The following JAK1 variants were observed in gnomAD, a reference collection of about 807,000 sequenced individuals.
JAK1 encodes the protein tyrosine-protein kinase JAK1.
JAK1 carries 16 observed loss-of-function variants against 136.6 expected under a neutral mutation model. That is an observed-to-expected ratio of 0.12 (90% confidence interval 0.08 to 0.18). JAK1 has a LOEUF of 0.18. JAK1 is among the 10% of genes least tolerant of loss of function. JAK1 has a pLI of 1.00. For missense variants in JAK1, 859 were observed against 1,450.1 expected, an observed-to-expected ratio of 0.59 and a Z score of 6.62; for synonymous variants, 492 against 519.5, an observed-to-expected ratio of 0.95 and a Z score of 0.72.
rs537950352 is a variant in JAK1 at position 65,008,355 on chromosome 1, G to C, written c.-78+36125C>G. Among the ~76,000 whole-genome samples, 60 of 152,332 alleles carry C rather than the reference G, an allele frequency of 3.9e-4. No individual in the cohort carries two copies. The South Asian group carries it at 5.6e-3, about 14-fold the overall frequency. Reference sequence around the variant, plus strand: ...TATGGAATTTATGCAAAAGTACTAAGAGATTAAATTGGAGAAATAGTTTGA... The same window carrying C: ...TATGGAATTTATGCAAAAGTACTAACAGATTAAATTGGAGAAATAGTTTGA... On this transcript the variant is annotated intron_variant, in intron 2 of 25. Coordinates refer to the JAK1 transcript ENST00000671954.
At chr1:65,049,563 C>A (rs943054024) in intron 1 of JAK1, among the ~76,000 whole-genome samples, 1 of 152,182 alleles carries the variant, frequency 6.6e-6, no homozygotes, top group African/African-American at 2.4e-5. Context: ...TGACTGGCCA[C>A]GGGTCCTTCC....
intron 2 of JAK1, among the ~76,000 whole-genome samples, chr1:64,986,633 C>A (rs1449563278): frequency 4.6e-5 from 7 of 152,140 alleles, no homozygotes; most frequent in Non-Finnish European, 8.8e-5. Flanking sequence ...TGGCTCATGT[C>A]TGTAATCCCA....
At chr1:65,057,232 CTTTG>C (rs375122693) in intron 1 of JAK1, among the ~76,000 whole-genome samples, 15 of 152,272 alleles carry the variant, frequency 9.9e-5, no homozygotes, top group African/African-American at 3.1e-4. Context: ...AAGTCATGCA[CTTTG>C]TTTCTTATTT....
intron 2 of JAK1, among the ~76,000 whole-genome samples, chr1:64,976,699 G>A (rs1569801217): frequency 6.6e-6 from 1 of 152,178 alleles, no homozygotes; most frequent in Non-Finnish European, 1.5e-5. Context: ...GCCTCACATG[G>A]AACATAATCC....
intron 2 of JAK1, among the ~76,000 whole-genome samples, chr1:65,004,758 G>A (rs756107714): frequency 6.6e-6 from 1 of 152,166 alleles, no homozygotes; most frequent in Non-Finnish European, 1.5e-5. Flanking sequence ...TATAATCCAA[G>A]TACAACTTCT....
chr1:65,066,154 G>A (rs929331657), intron 1 of JAK1, among the ~76,000 whole-genome samples: 1 of 152,172 alleles, frequency 6.6e-6, no homozygotes, highest in Non-Finnish European at 1.5e-5. Flanking sequence ...CACAGGTGTG[G>A]TCTTTCTCCA....
chr1:64,882,827 A>T (rs1158027140), intron 3 of JAK1, among the ~76,000 whole-genome samples: 2 of 152,216 alleles, frequency 1.3e-5, no homozygotes, highest in Non-Finnish European at 2.9e-5. Flanking sequence ...TCACGGCAGC[A>T]GAAGGAGGGG....
intron 2 of JAK1, among the ~76,000 whole-genome samples, chr1:64,999,053 T>C (rs1646729384): frequency 6.6e-6 from 1 of 152,248 alleles, no homozygotes; most frequent in African/African-American, 2.4e-5. Flanking sequence ...ATATTTCCCT[T>C]GTAAATCTTC....
rs202118483 is a variant in JAK1, at chr1:64,845,695, C to T, written c.1988-55G>A. The T allele has an allele frequency of 7.1e-4, 1,134 of 1,607,148 alleles. 5 individuals carry two copies. Among genetic ancestry groups the T allele is most frequent in the Admixed American group, 6.7e-4 (40 of 59,968 alleles). On this transcript the variant is annotated intron_variant, in intron 14 of 24. Transcript: ENST00000342505. ...ACCTGGTCTGTGGCACGGTCCTCTC[C>T]TTCATCCCCTTACGACAGTCCACTT... is the stretch of plus-strand genomic sequence containing the variant.
chr1:64,902,583 A>AGT lies in JAK1; in HGVS notation c.-77-16244_-77-16243dup, dbSNP rs1297802875. On this transcript the variant is annotated intron_variant, in intron 1 of 24. Coordinates refer to ENST00000342505, the MANE Select transcript of JAK1 (RefSeq NM_002227.4). The stretch of plus-strand genomic sequence containing the variant: ...GAGAGAGAGAGAGAGAGAGAGAGAG[A>AGT]GTGTGTGTGTGTGTGTGTGTGTGTG... Among the ~76,000 whole-genome samples, 55 of 73,780 alleles carry AGT rather than the reference A, an allele frequency of 7.5e-4. 1 individual carries two copies. The highest frequency in any genetic ancestry group is 2.5e-3 in the African/African-American group (41 of 16,202). 48.4% of individuals were successfully genotyped at this position (73,780 alleles called of 152,430 possible).
At chr1:64,894,922 T>C (rs1221265758) in intron 1 of JAK1, among the ~76,000 whole-genome samples, 1 of 152,170 alleles carries the variant, frequency 6.6e-6, no homozygotes, top group Non-Finnish European at 1.5e-5. Flanking sequence ...ACTCCAATCT[T>C]AAACTGCTGG....
At chr1:64,870,412 C>T (rs1657003382) in intron 5 of JAK1, among the ~76,000 whole-genome samples, 2 of 152,240 alleles carry the variant, frequency 1.3e-5, no homozygotes, top group South Asian at 4.1e-4. Context: ...GGAGATTCCA[C>T]TCTAAGGAGA....
chr1:64,864,005 T>C (rs1570662506), intron 8 of JAK1, among the ~76,000 whole-genome samples: 1 of 152,364 alleles, frequency 6.6e-6, no homozygotes, highest in East Asian at 1.9e-4. Flanking sequence ...CAAAAGGTTA[T>C]ATCAGAAAGA....
intron 1 of JAK1, among the ~76,000 whole-genome samples, chr1:65,061,180 A>C (rs1307285321): frequency 6.6e-6 from 1 of 152,184 alleles, no homozygotes; most frequent in East Asian, 1.9e-4. Context: ...GCGCCTTAGG[A>C]GGCTGAGGCA....
intron 1 of JAK1, among the ~76,000 whole-genome samples, chr1:64,965,940 C>T (rs114994591): frequency 0.013 from 2,050 of 152,206 alleles, 46 homozygotes; most frequent in African/African-American, 0.047. Context: ...CGGTCAAGTT[C>T]GCGGTACAAG....
intron 1 of JAK1, among the ~76,000 whole-genome samples, chr1:65,045,444 T>TA (rs759471059): frequency 5.9e-5 from 9 of 152,190 alleles, no homozygotes; most frequent in Non-Finnish European, 1.3e-4. Flanking sequence ...GAGTGGCAGT[T>TA]AGAGTTCAAA....
At position 64,883,397 on chromosome 1, in the gene JAK1, G is replaced by C. The variant is rs374273516; in HGVS notation, c.85C>G (p.Leu29Val). 6.2e-6 allele frequency: 10 copies of C among 1,614,016 alleles called. No individual in the cohort carries two copies. The African/African-American group carries it at 1.3e-4, about 22-fold the overall frequency. The change falls in exon 3 of 25, where the codon CTG becomes GTG. Residue 29 changes from leucine (L) to valine (V), a missense_variant. Physicochemically the swap from Leu to Val is conservative, Grantham distance 32 (BLOSUM62 1). This residue lies in a region of JAK1 where 353 missense variants were observed against 494.0 expected (regional missense o/e 0.71). Coordinates refer to ENST00000342505, the MANE Select transcript of JAK1 (RefSeq NM_002227.4). ...MRSSKKTEVN[L>V]EAPEPGVEVI... is the part of the protein sequence containing the mutation. ...TCCACCCCTGGCTCAGGGGCCTCCA[G>C]GTTCACCTCAGTCTTCTTGGAGCTC... is the stretch of plus-strand genomic sequence containing the variant.
chr1:64,843,429 A>G (rs932490814), intron 17 of JAK1, among the ~76,000 whole-genome samples: 1 of 152,036 alleles, frequency 6.6e-6, no homozygotes, highest in African/African-American at 2.4e-5. Flanking sequence ...GGAGGTCCAC[A>G]CCTCGCCTGT....
intron 2 of JAK1, among the ~76,000 whole-genome samples, chr1:64,998,522 T>C (rs1646723874): frequency 6.6e-6 from 1 of 152,228 alleles, no homozygotes; most frequent in African/African-American, 2.4e-5. Context: ...AAGTAATCTC[T>C]GGCCGTAAGA....
Sources: gnomAD v4.1 joint callset for allele counts (sites outside exome capture counted in the v4.1 genomes callset) on GRCh38, gnomAD v4.1.1 for gene constraint, gnomAD v4.1.1 regional missense constraint, MANE v1.5 for transcripts, NCBI Gene and HGNC (gene_info 2026-07-23, HGNC 2026-07-21) for gene names.